ARHGAP32: variants seen among roughly 807,000 people sequenced by gnomAD.
ARHGAP32 encodes Rho GTPase activating protein 32, also known as rho GTPase-activating protein 32.
ARHGAP32 carries 51 observed loss-of-function variants against 186.5 expected under a neutral mutation model. The observed-to-expected ratio is 0.27, with a 90% CI of 0.22 to 0.35. The LOEUF (loss-of-function observed/expected upper bound fraction) is 0.35. Ranked by LOEUF, ARHGAP32 falls within the 10% of genes least tolerant of loss-of-function variation. The pLI is 1.00. For synonymous variants in ARHGAP32, 950 were observed against 964.3 expected (o/e 0.99, Z 0.27); for missense variants, 2,186 against 2,623.5 (o/e 0.83, Z 3.64).
At chr11:129,159,560 A>C (rs1382567437) in intron 2 of ARHGAP32, among the ~76,000 whole-genome samples, 1 of 152,056 alleles carries the variant, frequency 6.6e-6, no homozygotes, top group East Asian at 1.9e-4. Context: ...AAGTTCTGAA[A>C]TTGAGGCAGT....
At chr11:129,152,380 T>C (rs1037503764) in intron 2 of ARHGAP32, among the ~76,000 whole-genome samples, 14 of 152,140 alleles carry the variant, frequency 9.2e-5, no homozygotes, top group African/African-American at 3.4e-4. Context: ...TCCTAAGTCA[T>C]TCTATGAAGC....
At chr11:129,239,654 T>C (rs1832259612) in intron 1 of ARHGAP32, among the ~76,000 whole-genome samples, 1 of 151,748 alleles carries the variant, frequency 6.6e-6, no homozygotes, top group South Asian at 2.1e-4. Flanking sequence ...GTTAGCATCA[T>C]CTCTAATGGA....
intron 2 of ARHGAP32, among the ~76,000 whole-genome samples, chr11:129,149,176 G>A (rs1322543337): frequency 6.6e-6 from 1 of 152,162 alleles, no homozygotes; most frequent in Non-Finnish European, 1.5e-5. Context: ...ACAGGCTGGA[G>A]GCCAATCTAC....
intron 2 of ARHGAP32, among the ~76,000 whole-genome samples, chr11:129,143,360 A>G (rs1943102036): frequency 6.6e-6 from 1 of 152,062 alleles, no homozygotes; most frequent in Admixed American, 6.5e-5. Context: ...CGGTCAAAAA[A>G]TACTAAATGG....
chr11:129,068,137 G>A (rs1244881382), intron 6 of ARHGAP32, among the ~76,000 whole-genome samples: 1 of 151,990 alleles, frequency 6.6e-6, no homozygotes, highest in Non-Finnish European at 1.5e-5. Flanking sequence ...CCTGAATTGA[G>A]GGCCACTGGT....
At chr11:129,127,759 T>G (rs1239425072) in intron 2 of ARHGAP32, among the ~76,000 whole-genome samples, 2 of 111,312 alleles carry the variant, frequency 1.8e-5, no homozygotes, top group Non-Finnish European at 3.8e-5. Flanking sequence ...CTGATATTTA[T>G]TCATAAAAAT....
At chr11:129,185,498 T>C (rs956798736) in intron 1 of ARHGAP32, among the ~76,000 whole-genome samples, 2 of 152,168 alleles carry the variant, frequency 1.3e-5, no homozygotes, top group East Asian at 1.9e-4. Context: ...ATATACCTAA[T>C]GTAAATGACG....
At chr11:129,109,379 A>T (rs1230387259) in intron 5 of ARHGAP32, among the ~76,000 whole-genome samples, 2 of 152,124 alleles carry the variant, frequency 1.3e-5, no homozygotes, top group Non-Finnish European at 2.9e-5. Context: ...GTGCTGCAAT[A>T]AACATGGGAG....
chr11:129,082,522 G>A (rs565282606), intron 6 of ARHGAP32, among the ~76,000 whole-genome samples: 1 of 152,170 alleles, frequency 6.6e-6, no homozygotes, highest in East Asian at 1.9e-4. Flanking sequence ...TCAACAAATG[G>A]TGGTGGGATA....
rs1432864086 is a variant in ARHGAP32 at position 129,164,003 on chromosome 11, A to C, written c.225+316T>G. 5.3e-5 allele frequency among the ~76,000 whole-genome samples: 8 copies of C among 152,056 alleles called. No homozygotes were observed. The South Asian group carries it at 1.5e-3, about 28-fold the overall frequency. On this transcript the variant is annotated intron_variant, in intron 2 of 22. Transcript: ENST00000682385. ...GCCTAAAATGATGTGTTTCCAGATA[A>C]ACACACTACTCACTCCCTCACCTCC...
At position 129,081,939 on chromosome 11, in the gene ARHGAP32, C is replaced by T. The variant is rs79853422; in HGVS notation, c.531+11682G>A. On this transcript the variant is annotated intron_variant, in intron 6 of 22. Coordinates refer to ENST00000682385, the MANE Select transcript of ARHGAP32 (RefSeq NM_001378024.1). ...AAAGTCAATGTACACAAATCAACAGCACTGCTATACACCAACAGCAACCAA... is the reference window on the plus strand; with the variant it reads ...AAAGTCAATGTACACAAATCAACAGTACTGCTATACACCAACAGCAACCAA... Among the ~76,000 whole-genome samples, 728 of 152,186 alleles carry T rather than the reference C, an allele frequency of 4.8e-3. 8 individuals carry two copies. In the East Asian group the frequency reaches 0.054, roughly 11 times the overall value.
chr11:129,118,016 GTAA>G (rs1186105496), intron 5 of ARHGAP32, among the ~76,000 whole-genome samples: 1 of 151,894 alleles, frequency 6.6e-6, no homozygotes, highest in African/African-American at 2.4e-5. Flanking sequence ...GCCCCTTCTA[GTAA>G]TTATTTTTTT....
intron 5 of ARHGAP32, among the ~76,000 whole-genome samples, chr11:129,111,269 A>G (rs1457613029): frequency 3.3e-5 from 5 of 152,308 alleles, no homozygotes; most frequent in South Asian, 2.1e-4. Flanking sequence ...CCTGGAATAA[A>G]TTCCACATGA....
chr11:129,124,917 T>C (rs1458755700), intron 2 of ARHGAP32, 23 bp from the exon 3 acceptor site: 3 of 1,552,632 alleles, frequency 1.9e-6, no homozygotes, highest in South Asian at 1.2e-5. Flanking sequence ...AGACAAAATA[T>C]TTATGGCTAT....
chr11:129,231,504 G>A (rs777024947), intron 1 of ARHGAP32, among the ~76,000 whole-genome samples: 2 of 152,126 alleles, frequency 1.3e-5, no homozygotes, highest in Non-Finnish European at 2.9e-5. Flanking sequence ...CAGTAACAGT[G>A]GAGTAGCTTG....
intron 5 of ARHGAP32, among the ~76,000 whole-genome samples, chr11:129,115,827 T>G (rs375042764): frequency 6.6e-6 from 1 of 152,062 alleles, no homozygotes. Flanking sequence ...GATCCTTGCT[T>G]CTTTTTCCCA....
At chr11:129,077,876 C>T (rs1040618445) in intron 6 of ARHGAP32, among the ~76,000 whole-genome samples, 8 of 152,290 alleles carry the variant, frequency 5.3e-5, no homozygotes, top group Admixed American at 2.6e-4. Flanking sequence ...AACCAACTCA[C>T]GCCATTACAG....
chr11:129,011,231 A>T (rs553607514), intron 11 of ARHGAP32, among the ~76,000 whole-genome samples: 42 of 152,312 alleles, frequency 2.8e-4, no homozygotes, highest in Admixed American at 1.8e-3. Flanking sequence ...CTATTAGGAA[A>T]ATATTTATAC....
intron 1 of ARHGAP32, among the ~76,000 whole-genome samples, chr11:129,168,035 A>G (rs1943674047): frequency 6.6e-6 from 1 of 152,190 alleles, no homozygotes; most frequent in South Asian, 2.1e-4. Context: ...ACTTGTGCCC[A>G]GAAGTTCAAG....
Sources: gnomAD v4.1 joint callset for allele counts (sites outside exome capture counted in the v4.1 genomes callset) on GRCh38, gnomAD v4.1.1 for gene constraint, MANE v1.5 for transcripts, NCBI Gene and HGNC (gene_info 2026-07-23, HGNC 2026-07-21) for gene names.